PRCD: variants seen among roughly 807,000 people sequenced by gnomAD.
PRCD encodes photoreceptor disc component, also known as photoreceptor disk component PRCD.
PRCD carries 12 observed loss-of-function variants against 10.1 expected under a neutral mutation model. That is an observed-to-expected ratio of 1.18 (90% CI 0.76 to 1.92). The LOEUF (loss-of-function observed/expected upper bound fraction) is 1.92, where lower values mean the gene tolerates loss of function less well. Ranked by LOEUF, PRCD falls within the 40% of genes most tolerant of loss-of-function variation. The pLI, the probability that PRCD is intolerant of heterozygous loss-of-function variation, is 0.00. For synonymous variants in PRCD, 31 were observed against 26.2 expected (o/e 1.18, Z -0.56); for missense variants, 61 against 72.2 (o/e 0.84, Z 0.56).
chr17:76,538,406 C>T (rs1598209473), upstream of PRCD: 3 of 423,800 alleles, frequency 7.1e-6, no homozygotes, highest in East Asian at 2.6e-4. Flanking sequence ...GCGCCAGAGG[C>T]CTGCGCCCCC....
Position 76,531,630 on chromosome 17 carries a change from G to T in PRCD, n.45+3797G>T. 3 of 1,612,778 alleles carry T rather than the reference G, an allele frequency of 1.9e-6. No homozygotes were observed. Among genetic ancestry groups the T allele is most frequent in the Middle Eastern group, 1.7e-4 (1 of 6,050 alleles). On this transcript the variant is annotated intron_variant and non_coding_transcript_variant, in intron 1 of 4. Transcript: ENST00000397633. The surrounding 1 kb of genome is among the most constrained non-coding windows in gnomAD (Gnocchi z 7.4). ...TGGGGGCTCCGCTCCATCTCCAGGGGATCCTCCATGTGCTTGAACTGGCTG... is the reference window on the plus strand; with the variant it reads ...TGGGGGCTCCGCTCCATCTCCAGGGTATCCTCCATGTGCTTGAACTGGCTG...
Position 76,531,526 on chromosome 17 carries a change from G to T in PRCD, n.45+3693G>T, listed in dbSNP as rs759755981. 1.3e-5 allele frequency: 21 copies of T among 1,614,124 alleles called. No individual in the cohort carries two copies. Among genetic ancestry groups the T allele is most frequent in the Non-Finnish European group, 1.5e-5 (18 of 1,179,930 alleles). On this transcript the variant is annotated intron_variant and non_coding_transcript_variant, in intron 1 of 4. Transcript: ENST00000397633. This position sits in a 1 kb window ranked among gnomAD's most constrained non-coding sequence, Gnocchi z 7.4. ...CTTTCCCCACAAGGGCGAGCACAGA[G>T]GACACCTTGTCGGGGTCATGCAGGT...
chr17:76,547,106 G>A (rs1209885029), downstream of PRCD: 1 of 152,294 alleles, frequency 6.6e-6, no homozygotes, highest in Non-Finnish European at 1.5e-5. Flanking sequence ...TCTGTCTTCA[G>A]GAACTCACAT....
chr17:76,550,062 TCTC>T (rs1419312326), downstream of PRCD: 1 of 152,000 alleles, frequency 6.6e-6, no homozygotes, highest in Non-Finnish European at 1.5e-5. Flanking sequence ...TTCAAGCAAT[TCTC>T]CTGCCTCAGC....
At chr17:76,539,322 A>C (rs1384546477), upstream of PRCD, among the ~76,000 whole-genome samples, 1 of 152,222 alleles carries the variant, frequency 6.6e-6, no homozygotes, top group Non-Finnish European at 1.5e-5. Context: ...TTTTCATCTC[A>C]TCCTTTGCAA....
At chr17:76,540,029 C>A, upstream of PRCD, 2 of 1,122,174 alleles carry the variant, frequency 1.8e-6, no homozygotes, top group Non-Finnish European at 2.6e-6. The surrounding 1 kb of genome is among the most constrained non-coding windows in gnomAD (Gnocchi z 5.0). Flanking sequence ...CCATCCCCAG[C>A]AGGAACCGCA....
Position 76,531,868 on chromosome 17 carries a change from C to T in PRCD, n.45+4035C>T, listed in dbSNP as rs775340552. Reference sequence around the variant, plus strand: ...TAGACCCTCCTCCCTCTGGCCAAGCCGGCTCACCCCTACCAAGTCTGGCCA... The same window carrying T: ...TAGACCCTCCTCCCTCTGGCCAAGCTGGCTCACCCCTACCAAGTCTGGCCA... On this transcript the variant is annotated intron_variant and non_coding_transcript_variant, in intron 1 of 4. Coordinates refer to the PRCD transcript ENST00000397633. This position sits in a 1 kb window ranked among gnomAD's most constrained non-coding sequence, Gnocchi z 7.4. 5.1e-5 allele frequency: 29 copies of T among 573,884 alleles called. No individual in the cohort carries two copies. The highest frequency in any genetic ancestry group is 1.4e-4 in the East Asian group (5 of 34,544). 35.5% of individuals were successfully genotyped at this position (573,884 alleles called of 1,614,324 possible).
chr17:76,530,192 T>C lies in PRCD; in HGVS notation n.45+2359T>C, dbSNP rs2074819377. On this transcript the variant is annotated intron_variant and non_coding_transcript_variant, in intron 1 of 4. Coordinates refer to the PRCD transcript ENST00000397633. This position sits in a 1 kb window ranked among gnomAD's most constrained non-coding sequence, Gnocchi z 6.1. ...TGCTTCCCATTCCCGCCTCCGCTCC[T>C]CTCCTCCTTCCTACTCCAGCCCTGC... Among the ~76,000 whole-genome samples, 2 of 152,044 alleles carry C rather than the reference T, an allele frequency of 1.3e-5. No individual in the cohort carries two copies. The highest frequency in any genetic ancestry group is 2.4e-5 in the African/African-American group (1 of 41,386).
In PRCD at chr17:76,533,716, C is replaced by T. The variant is rs571275297; in HGVS notation, n.45+5883C>T. Among the ~76,000 whole-genome samples the T allele has an allele frequency of 6.6e-6, 1 of 151,994 alleles. No individual in the cohort carries two copies. Among genetic ancestry groups the T allele is most frequent in the African/African-American group, 2.4e-5 (1 of 41,408 alleles). On this transcript the variant is annotated intron_variant and non_coding_transcript_variant, in intron 1 of 4. Coordinates refer to the PRCD transcript ENST00000397633. This position sits in a 1 kb window ranked among gnomAD's most constrained non-coding sequence, Gnocchi z 4.5. ...CCAGCCTGGGTGACAGAGTGAGACC[C>T]TGAATCCAAAGAAATAATGATAATA...
At chr17:76,537,474 C>G, upstream of PRCD, 1 of 1,596,212 alleles carries the variant, frequency 6.3e-7, no homozygotes. Flanking sequence ...CCGCCTTCCT[C>G]TCCGCCTCGG....
At chr17:76,549,342 A>G (rs185396923), downstream of PRCD, among the ~76,000 whole-genome samples, 2 of 152,384 alleles carry the variant, frequency 1.3e-5, no homozygotes, top group African/African-American at 4.8e-5. Flanking sequence ...GTTGTTCGAC[A>G]TGCGGCTGGG....
At chr17:76,552,880 A>AT (rs1383076902) in intron 1 of PRCD, 100 of 120,524 alleles carry the variant, frequency 8.3e-4, no homozygotes, top group African/African-American at 2.3e-3. Flanking sequence ...AAAAAAAAAA[A>AT]AATATATATA....
In PRCD at chr17:76,528,649, A is replaced by G; in HGVS notation, n.45+816A>G. ...TAGGAAGGGAAGGACAAACGTTACCAGAGGCAGGGAAGGACCCTCGGGGGA... is the reference window on the plus strand; with the variant it reads ...TAGGAAGGGAAGGACAAACGTTACCGGAGGCAGGGAAGGACCCTCGGGGGA... On this transcript the variant is annotated intron_variant and non_coding_transcript_variant, in intron 1 of 4. Coordinates refer to the PRCD transcript ENST00000397633. This position sits in a 1 kb window ranked among gnomAD's most constrained non-coding sequence, Gnocchi z 5.8. 7.9e-7 allele frequency: 1 copy of G among 1,263,248 alleles called. No homozygotes were observed. The highest frequency in any genetic ancestry group is 1.0e-6 in the Non-Finnish European group (1 of 995,682). 78.3% of individuals were successfully genotyped at this position (1,263,248 alleles called of 1,614,324 possible).
In PRCD at chr17:76,531,192, C is replaced by T; in HGVS notation, n.45+3359C>T. On this transcript the variant is annotated intron_variant and non_coding_transcript_variant, in intron 1 of 4. Coordinates refer to the PRCD transcript ENST00000397633. This position sits in a 1 kb window ranked among gnomAD's most constrained non-coding sequence, Gnocchi z 7.4. ...AGTGAACGCCCGGGCGCCCTGCGTC[C>T]TGCAACCCCCAGGCCCCTCCGCCCC... 3.2e-6 allele frequency: 5 copies of T among 1,574,636 alleles called. No individual in the cohort carries two copies. The highest frequency in any genetic ancestry group is 4.3e-6 in the Non-Finnish European group (5 of 1,153,330).
At chr17:76,535,459 C>G (rs2074904060), upstream of PRCD, among the ~76,000 whole-genome samples, 1 of 152,074 alleles carries the variant, frequency 6.6e-6, no homozygotes, top group African/African-American at 2.4e-5. Flanking sequence ...TGGACAGAGA[C>G]AGGAGGAGAG....
intron 1 of PRCD, chr17:76,552,872 A>C (rs867964391): frequency 7.7e-6 from 1 of 130,654 alleles, no homozygotes; most frequent in African/African-American, 3.2e-5. Context: ...CTCAAAAAAA[A>C]AAAAAAAAAA....
rs1229345797 is a variant in PRCD, at chr17:76,528,478, C to T, written n.45+645C>T. 1.8e-6 allele frequency: 2 copies of T among 1,106,382 alleles called. No individual in the cohort carries two copies. Among genetic ancestry groups the T allele is most frequent in the Non-Finnish European group, 2.4e-6 (2 of 850,800 alleles). 68.5% of individuals were successfully genotyped at this position (1,106,382 alleles called of 1,614,324 possible). On this transcript the variant is annotated intron_variant and non_coding_transcript_variant, in intron 1 of 4. Coordinates refer to the PRCD transcript ENST00000397633. The surrounding 1 kb of genome is among the most constrained non-coding windows in gnomAD (Gnocchi z 5.8). Reference sequence around the variant, plus strand: ...CGGGGAAGTTGAGTCAGGGATTCCTCCAGCTTCCTTGGCACCCAGAAATGG... The same window carrying T: ...CGGGGAAGTTGAGTCAGGGATTCCTTCAGCTTCCTTGGCACCCAGAAATGG...
Position 76,528,457 on chromosome 17 carries a change from G to A in PRCD, n.45+624G>A. 1 of 971,306 alleles carries A rather than the reference G, an allele frequency of 1.0e-6. No individual in the cohort carries two copies. Among genetic ancestry groups the A allele is most frequent in the Non-Finnish European group, 1.4e-6 (1 of 730,270 alleles). The allele number at this position is 971,306 out of a possible 1,614,324, so 60.2% of individuals were successfully genotyped here. The stretch of plus-strand genomic sequence containing the variant: ...GGCCGCCACAGAGGCCTCCTTCGGG[G>A]AAGTTGAGTCAGGGATTCCTCCAGC... On this transcript the variant is annotated intron_variant and non_coding_transcript_variant, in intron 1 of 4. Transcript: ENST00000397633. This position sits in a 1 kb window ranked among gnomAD's most constrained non-coding sequence, Gnocchi z 5.8.
upstream of PRCD, among the ~76,000 whole-genome samples, chr17:76,535,365 C>T (rs2074903316): frequency 6.6e-6 from 1 of 152,146 alleles, no homozygotes; most frequent in East Asian, 1.9e-4. Flanking sequence ...GGTGCTGTGT[C>T]AAGACTGACG....
Sources: allele counts gnomAD v4.1 joint callset (sites outside exome capture counted in the v4.1 genomes callset), GRCh38; gene constraint gnomAD v4.1.1; non-coding constraint Gnocchi (gnomAD v3.1); transcripts MANE v1.5; gene names NCBI Gene and HGNC (gene_info 2026-07-23, HGNC 2026-07-21).